The following STK4 variants were observed in gnomAD, a reference collection of about 807,000 sequenced individuals.
STK4 encodes the protein serine/threonine-protein kinase 4.
A neutral mutation model predicts 64.9 loss-of-function variants in STK4; 30 were observed. The ratio of observed to expected loss-of-function variants is 0.46; its 90% CI spans 0.35 to 0.63. The LOEUF is 0.63. Ranked by LOEUF, STK4 falls within the 20% of genes least tolerant of loss-of-function variation. STK4 has a pLI of 0.01. For synonymous variants in STK4, 177 were observed against 199.0 expected, an observed-to-expected ratio of 0.89 and a Z score of 0.93; for missense variants, 466 against 598.5, an observed-to-expected ratio of 0.78 and a Z score of 2.31.
intron 10 of STK4, among the ~76,000 whole-genome samples, chr20:45,057,624 A>T (rs1714322477): frequency 6.6e-6 from 1 of 152,170 alleles, no homozygotes; most frequent in Admixed American, 6.5e-5. Context: ...CAGACCCCAG[A>T]TTGGAAGCAC....
chr20:45,027,448 A>AG (rs2068372381), intron 10 of STK4, among the ~76,000 whole-genome samples: 1 of 151,650 alleles, frequency 6.6e-6, no homozygotes. Flanking sequence ...AAAAAAAAAA[A>AG]AAGAAGTTAG....
chr20:45,074,964 G>C (rs1331126914), intron 10 of STK4, 54 bp from the exon 11 acceptor site: 1 of 1,608,536 alleles, frequency 6.2e-7, no homozygotes, highest in Admixed American at 1.7e-5. Flanking sequence ...CTTCTGCACT[G>C]TTCTGCCACT....
chr20:45,064,283 A>G (rs1263114221), intron 10 of STK4, among the ~76,000 whole-genome samples: 1 of 151,634 alleles, frequency 6.6e-6, no homozygotes, highest in Non-Finnish European at 1.5e-5. Flanking sequence ...ACTGATCTGT[A>G]TGTCTGTTTT....
intron 9 of STK4, among the ~76,000 whole-genome samples, chr20:45,012,733 G>A (rs1217154542): frequency 1.3e-5 from 2 of 149,472 alleles, no homozygotes; most frequent in Non-Finnish European, 1.5e-5. Context: ...CAGTCTTATT[G>A]TCTATGAATT....
chr20:45,046,400 A>T (rs1371305990), intron 10 of STK4, among the ~76,000 whole-genome samples: 1 of 151,758 alleles, frequency 6.6e-6, no homozygotes, highest in South Asian at 2.1e-4. Flanking sequence ...GTGGCACTGC[A>T]CTGTAGCCTG....
chr20:45,028,981 T>C (rs1402368673), intron 10 of STK4, among the ~76,000 whole-genome samples: 2 of 152,196 alleles, frequency 1.3e-5, no homozygotes, highest in African/African-American at 4.8e-5. Flanking sequence ...GCATGACTTG[T>C]ATTCCTCCTG....
chr20:45,037,155 G>A (rs2068540717), intron 10 of STK4, among the ~76,000 whole-genome samples: 1 of 152,114 alleles, frequency 6.6e-6, no homozygotes, highest in Non-Finnish European at 1.5e-5. Context: ...GAGCCCAAAA[G>A]AGAGAGCAAG....
chr20:45,012,313 C>T (rs1375274705), intron 9 of STK4, among the ~76,000 whole-genome samples: 2 of 152,094 alleles, frequency 1.3e-5, no homozygotes, highest in Admixed American at 6.6e-5. Context: ...GGATTACAGG[C>T]GTGAGCCACT....
At chr20:44,994,436 C>CTTTGTAA (rs1476072900) in intron 5 of STK4, among the ~76,000 whole-genome samples, 1 of 149,122 alleles carries the variant, frequency 6.7e-6, no homozygotes, top group African/African-American at 2.5e-5. Context: ...CTTTTTTTTG[C>CTTTGTAA]TTTGTAATGT....
intron 10 of STK4, among the ~76,000 whole-genome samples, chr20:45,031,743 A>T (rs1440752896): frequency 6.6e-6 from 1 of 152,028 alleles, no homozygotes; most frequent in East Asian, 1.9e-4. Flanking sequence ...CCCTACTAAA[A>T]GTACAAAAAA....
rs532234223 is a variant in STK4 at position 45,063,496 on chromosome 20, T to C, written c.1306-11522T>C. ...TTGTGGATTCTGGATATTAGATCTTTGTTGGATGCATAGTTTGCAAATATT... is the reference window on the plus strand; with the variant it reads ...TTGTGGATTCTGGATATTAGATCTTCGTTGGATGCATAGTTTGCAAATATT... On this transcript the variant is annotated intron_variant, in intron 10 of 10. Coordinates refer to ENST00000372806, the MANE Select transcript of STK4 (RefSeq NM_006282.5). 6.9e-4 allele frequency among the ~76,000 whole-genome samples: 105 copies of C among 152,360 alleles called. 1 individual carries two copies. Among genetic ancestry groups the C allele is most frequent in the Admixed American group, 1.2e-3 (19 of 15,308 alleles).
chr20:45,046,101 C>T (rs1184123534), intron 10 of STK4, among the ~76,000 whole-genome samples: 1 of 152,044 alleles, frequency 6.6e-6, no homozygotes, highest in Admixed American at 6.5e-5. Flanking sequence ...GCCACCGCAC[C>T]TAGCCAGAAA....
intron 3 of STK4, among the ~76,000 whole-genome samples, chr20:44,979,477 A>T (rs1291425350): frequency 6.6e-6 from 1 of 152,228 alleles, no homozygotes; most frequent in African/African-American, 2.4e-5. Context: ...ATTCCATGAC[A>T]ACATGGGTTG....
At chr20:44,979,228 G>T (rs557057719) in intron 3 of STK4, among the ~76,000 whole-genome samples, 1 of 152,172 alleles carries the variant, frequency 6.6e-6, no homozygotes, top group East Asian at 1.9e-4. Flanking sequence ...TTTCTGCAGA[G>T]ATAGCCAAGA....
At chr20:45,069,836 CTT>C (rs1979902736) in intron 10 of STK4, among the ~76,000 whole-genome samples, 1 of 152,080 alleles carries the variant, frequency 6.6e-6, no homozygotes, top group South Asian at 2.1e-4. Context: ...CCTTACAGAA[CTT>C]ATATCCTAGT....
At chr20:45,020,049 A>G (rs537184660) in intron 9 of STK4, among the ~76,000 whole-genome samples, 61 of 152,250 alleles carry the variant, frequency 4.0e-4, no homozygotes, top group Non-Finnish European at 7.6e-4. Flanking sequence ...TAGAGACTGT[A>G]CAATATGAGA....
At chr20:45,028,159 A>G (rs577543959) in intron 10 of STK4, among the ~76,000 whole-genome samples, 12 of 152,054 alleles carry the variant, frequency 7.9e-5, no homozygotes, top group Non-Finnish European at 1.6e-4. Flanking sequence ...TAGTAGACCT[A>G]TTTTAATTTT....
At chr20:45,014,604 GCA>G (rs1010977234) in intron 9 of STK4, among the ~76,000 whole-genome samples, 4 of 152,006 alleles carry the variant, frequency 2.6e-5, no homozygotes, top group Non-Finnish European at 5.9e-5. Context: ...AGCTTGATTT[GCA>G]CAGACTTGTA....
rs535187694 is a variant in STK4, at chr20:44,974,020, T to A, written c.116+1862T>A. 2.0e-5 allele frequency: 3 copies of A among 152,350 alleles called. No homozygotes were observed. The East Asian group carries it at 5.8e-4, about 29-fold the overall frequency. 9.4% of individuals were successfully genotyped at this position (152,350 alleles called of 1,614,324 possible). On this transcript the variant is annotated intron_variant, in intron 2 of 10. Transcript: ENST00000372806. ...CTATAGACAGAGAATATATCAGAAATATAATGTAAACAAAAAATAAGCTAA... is the reference window on the plus strand; with the variant it reads ...CTATAGACAGAGAATATATCAGAAAAATAATGTAAACAAAAAATAAGCTAA...
Sources: gnomAD v4.1 joint callset for allele counts (sites outside exome capture counted in the v4.1 genomes callset) on GRCh38, gnomAD v4.1.1 for gene constraint, MANE v1.5 for transcripts, NCBI Gene and HGNC (gene_info 2026-07-23, HGNC 2026-07-21) for gene names.